SEMA6D: variants seen among roughly 807,000 people sequenced by gnomAD.
SEMA6D encodes the protein semaphorin 6D.
SEMA6D carries 35 observed loss-of-function variants against 106.6 expected under a neutral mutation model. The ratio of observed to expected loss-of-function variants is 0.33; its 90% confidence interval spans 0.25 to 0.44. The LOEUF (loss-of-function observed/expected upper bound fraction) is 0.44. Among genes scored for constraint, SEMA6D ranks in the 20% least tolerant of loss-of-function variants. The pLI is 1.00. For synonymous variants in SEMA6D, 499 were observed against 487.7 expected (o/e 1.02, Z -0.31); for missense variants, 1,185 against 1,345.9 (o/e 0.88, Z 1.87).
At chr15:47,741,786 A>G (rs1006261872) in intron 1 of SEMA6D, among the ~76,000 whole-genome samples, 1 of 152,204 alleles carries the variant, frequency 6.6e-6, no homozygotes, top group Non-Finnish European at 1.5e-5. Flanking sequence ...TAGAGCAGAC[A>G]TGTGAAATAT....
intron 1 of SEMA6D, among the ~76,000 whole-genome samples, chr15:47,342,747 G>A (rs2037873573): frequency 6.6e-6 from 1 of 152,086 alleles, no homozygotes; most frequent in South Asian, 2.1e-4. Context: ...GTCTCCCTCT[G>A]TCACCCAGGC....
intron 4 of SEMA6D, among the ~76,000 whole-genome samples, chr15:47,617,497 A>G (rs186282073): frequency 1.4e-3 from 220 of 152,322 alleles, no homozygotes; most frequent in Non-Finnish European, 5.1e-4. Flanking sequence ...ATGTGACACC[A>G]TAACAGAAGT....
chr15:47,709,558 AGAAT>A (rs2078976297), intron 4 of SEMA6D, among the ~76,000 whole-genome samples: 1 of 152,236 alleles, frequency 6.6e-6, no homozygotes, highest in Non-Finnish European at 1.5e-5. Flanking sequence ...AATATATGCA[AGAAT>A]GAATGAGTGA....
Position 47,730,314 on chromosome 15 carries a change from C to T in SEMA6D, c.-55+12622C>T, listed in dbSNP as rs762147960. Reference sequence around the variant, plus strand: ...AGCTTAGCCAAAGCGCCTTTGTCTTCCGAGTTCACCTGTGTGAAGGCCACA... The same window carrying T: ...AGCTTAGCCAAAGCGCCTTTGTCTTTCGAGTTCACCTGTGTGAAGGCCACA... On this transcript the variant is annotated intron_variant, in intron 1 of 18. Coordinates refer to ENST00000536845, the MANE Select transcript of SEMA6D (RefSeq NM_001358351.3). The T allele has an allele frequency of 6.0e-6, 9 of 1,506,992 alleles. No homozygotes were observed. In the East Asian group the frequency reaches 2.0e-4, roughly 34 times the overall value. 93.4% of individuals were successfully genotyped at this position (1,506,992 alleles called of 1,614,324 possible).
chr15:47,316,202 C>G (rs1490572696), intron 1 of SEMA6D, among the ~76,000 whole-genome samples: 2 of 150,182 alleles, frequency 1.3e-5, no homozygotes, highest in Non-Finnish European at 2.9e-5. Context: ...AAGCAATTCT[C>G]CTGCCTCAGC....
intron 2 of SEMA6D, chr15:47,412,496 G>A (rs1244626019): frequency 1.3e-5 from 2 of 152,546 alleles, no homozygotes; most frequent in Non-Finnish European, 2.9e-5. Flanking sequence ...ATATAACAAC[G>A]AAGGACAGTA....
chr15:47,272,144 A>T (rs2034587260), intron 1 of SEMA6D, among the ~76,000 whole-genome samples: 1 of 152,202 alleles, frequency 6.6e-6, no homozygotes, highest in Admixed American at 6.5e-5. Context: ...AGGAGAGAGA[A>T]AAATGGAAAA....
chr15:47,641,953 TG>T (rs2077496287), intron 4 of SEMA6D, among the ~76,000 whole-genome samples: 2 of 152,198 alleles, frequency 1.3e-5, no homozygotes, highest in Admixed American at 1.3e-4. Flanking sequence ...GTGCTTCACT[TG>T]GTTGCCTTGT....
chr15:47,314,712 A>C (rs979569723), intron 1 of SEMA6D, among the ~76,000 whole-genome samples: 1 of 151,538 alleles, frequency 6.6e-6, no homozygotes, highest in Non-Finnish European at 1.5e-5. Context: ...TTGTCTTTGC[A>C]GTCTCTGGAC....
chr15:47,740,372 T>A (rs2147001944), intron 1 of SEMA6D, among the ~76,000 whole-genome samples: 1 of 152,014 alleles, frequency 6.6e-6, no homozygotes, highest in African/African-American at 2.4e-5. Flanking sequence ...TACAAAAATT[T>A]AACTGGGCAT....
chr15:47,384,999 A>G (rs979982407), intron 1 of SEMA6D, among the ~76,000 whole-genome samples: 4 of 150,672 alleles, frequency 2.7e-5, no homozygotes, highest in African/African-American at 9.7e-5. Context: ...AAGATGATAA[A>G]TCAGACTAGG....
In SEMA6D at chr15:47,233,044, A is replaced by C. The variant is rs150912781; in HGVS notation, c.-239+48626A>C. Among the ~76,000 whole-genome samples, 1,332 of 152,088 alleles carry C rather than the reference A, an allele frequency of 8.8e-3. 26 individuals carry two copies. The highest frequency in any genetic ancestry group is 0.031 in the African/African-American group (1,271 of 41,538). ...CTAATGTCATAAATATTTATACCTG[A>C]ATTTCCTTCTAAGAATTTTATTATG... is the stretch of plus-strand genomic sequence containing the variant. On this transcript the variant is annotated intron_variant, in intron 1 of 19. Coordinates refer to the SEMA6D transcript ENST00000558014.
intron 1 of SEMA6D, among the ~76,000 whole-genome samples, chr15:47,367,681 C>T (rs534229468): frequency 8.9e-4 from 35 of 39,132 alleles, no homozygotes; most frequent in East Asian, 8.0e-3. Flanking sequence ...CGCTCACACG[C>T]GCGCGCGCGC....
intron 3 of SEMA6D, among the ~76,000 whole-genome samples, chr15:47,536,566 G>C (rs1300969837): frequency 6.6e-6 from 1 of 152,162 alleles, no homozygotes; most frequent in Non-Finnish European, 1.5e-5. Flanking sequence ...GTCTAGGTGT[G>C]TACAAATCAG....
chr15:47,588,451 G>A (rs1271929238), intron 3 of SEMA6D, among the ~76,000 whole-genome samples: 1 of 152,122 alleles, frequency 6.6e-6, no homozygotes, highest in Non-Finnish European at 1.5e-5. Flanking sequence ...GGAGCTGCCC[G>A]CTCCTGCCTT....
chr15:47,634,599 G>C (rs1441579257), intron 4 of SEMA6D, among the ~76,000 whole-genome samples: 2 of 152,132 alleles, frequency 1.3e-5, no homozygotes, highest in Non-Finnish European at 2.9e-5. Flanking sequence ...ATGCAGCAGA[G>C]GTACGTAGAC....
At chr15:47,264,780 T>G (rs764579) in intron 1 of SEMA6D, among the ~76,000 whole-genome samples, 47,304 of 151,958 alleles carry the variant, frequency 0.31, 7,546 homozygotes, top group Middle Eastern at 0.46. Context: ...AGTTCTCTTC[T>G]ATTCCTAGTT....
chr15:47,271,625 C>T (rs62014045), intron 1 of SEMA6D, among the ~76,000 whole-genome samples: 21 of 152,104 alleles, frequency 1.4e-4, no homozygotes, highest in African/African-American at 4.8e-4. Flanking sequence ...TGTTGGTGCT[C>T]TTCCTGTATA....
intron 1 of SEMA6D, among the ~76,000 whole-genome samples, chr15:47,290,676 C>G (rs1158019506): frequency 1.3e-5 from 2 of 151,838 alleles, no homozygotes; most frequent in Non-Finnish European, 2.9e-5. Context: ...ATCCTTTCTG[C>G]TACACTAGTG....
Sources: gnomAD v4.1 joint callset for allele counts (sites outside exome capture counted in the v4.1 genomes callset) on GRCh38, gnomAD v4.1.1 for gene constraint, MANE v1.5 for transcripts, NCBI Gene and HGNC (gene_info 2026-07-23, HGNC 2026-07-21) for gene names.